SLC17A5: variants seen among roughly 807,000 people sequenced by gnomAD.
The protein encoded by SLC17A5 is sialin.
A neutral mutation model predicts 59.4 loss-of-function variants in SLC17A5; 47 were observed. That is an observed-to-expected ratio of 0.79 (90% confidence interval 0.63 to 1.01). The LOEUF (loss-of-function observed/expected upper bound fraction) is 1.01, where lower values mean the gene tolerates loss of function less well. Ranked by LOEUF, SLC17A5 falls within the 50% of genes least tolerant of loss-of-function variation. The probability of loss-of-function intolerance (pLI) is 0.00; values close to 1 mark genes in which losing one functional copy is unlikely to be tolerated. For missense variants in SLC17A5, 522 were observed against 595.5 expected (o/e 0.88, Z 1.28); for synonymous variants, 202 against 210.7 (o/e 0.96, Z 0.36).
intron 1 of SLC17A5, among the ~76,000 whole-genome samples, chr6:73,650,197 CAA>C (rs756204732): frequency 3.1e-4 from 12 of 39,050 alleles, no homozygotes; most frequent in South Asian, 1.1e-3. Context: ...CTTTTTTCTA[CAA>C]AAAAAAAAAA....
intron 1 of SLC17A5, among the ~76,000 whole-genome samples, chr6:73,651,727 A>G (rs967308083): frequency 1.3e-4 from 19 of 151,662 alleles, no homozygotes; most frequent in Non-Finnish European, 2.5e-4. Context: ...TATTTTTAGT[A>G]GGGACGGCGT....
chr6:73,637,423 C>A (rs371500523), intron 4 of SLC17A5, among the ~76,000 whole-genome samples: 4 of 152,172 alleles, frequency 2.6e-5, no homozygotes, highest in Non-Finnish European at 5.9e-5. Context: ...TGTTCTTGAA[C>A]CTATCATCAG....
intron 5 of SLC17A5, among the ~76,000 whole-genome samples, chr6:73,635,898 G>A (rs1046814439): frequency 3.3e-5 from 5 of 151,880 alleles, no homozygotes; most frequent in South Asian, 2.1e-4. Context: ...GTGCCACCAC[G>A]CCTGGCTAAT....
chr6:73,644,826 C>T (rs1769464646), intron 1 of SLC17A5, among the ~76,000 whole-genome samples: 1 of 151,918 alleles, frequency 6.6e-6, no homozygotes, highest in Non-Finnish European at 1.5e-5. Context: ...AAAAAGGTTG[C>T]TTTTTAAAAG....
Position 73,645,500 on chromosome 6 carries a change from A to C in SLC17A5, c.95-897T>G, listed in dbSNP as rs951633885. ...GAATGTACCACCATGATTAAAAAAAAAGGATGCCGGGCACAGTGGCTCACG... is the reference window on the plus strand; with the variant it reads ...GAATGTACCACCATGATTAAAAAAACAGGATGCCGGGCACAGTGGCTCACG... On this transcript the variant is annotated intron_variant, in intron 1 of 10. Transcript: ENST00000355773. 1.0e-5 allele frequency: 10 copies of C among 985,134 alleles called. No individual in the cohort carries two copies. The African/African-American group carries it at 1.7e-4, about 17-fold the overall frequency. 61.0% of individuals were successfully genotyped at this position (985,134 alleles called of 1,614,324 possible).
At chr6:73,631,734 A>G (rs1011501762) in intron 6 of SLC17A5, among the ~76,000 whole-genome samples, 1 of 151,854 alleles carries the variant, frequency 6.6e-6, no homozygotes, top group Admixed American at 6.6e-5. Flanking sequence ...ACAGCACTGC[A>G]TTATGCAGGC....
intron 6 of SLC17A5, among the ~76,000 whole-genome samples, chr6:73,632,965 T>C (rs779987784): frequency 6.6e-6 from 1 of 152,032 alleles, no homozygotes; most frequent in Non-Finnish European, 1.5e-5. Flanking sequence ...TAACATCAGG[T>C]AGGACTCTAA....
intron 7 of SLC17A5, among the ~76,000 whole-genome samples, chr6:73,615,837 T>C (rs629381): frequency 0.38 from 56,211 of 149,478 alleles, 11,797 homozygotes; most frequent in African/African-American, 0.56. Context: ...TAAAATAAAA[T>C]GCAGATGCAG....
At chr6:73,632,434 C>CTTTTTTTTTTT (rs1163170650) in intron 6 of SLC17A5, among the ~76,000 whole-genome samples, 2 of 86,766 alleles carry the variant, frequency 2.3e-5, no homozygotes, top group African/African-American at 8.2e-5. Flanking sequence ...GTAGAGAAAG[C>CTTTTTTTTTTT]TTTTTTTTTT....
chr6:73,631,821 T>G (rs531731924), intron 6 of SLC17A5, among the ~76,000 whole-genome samples: 1 of 151,826 alleles, frequency 6.6e-6, no homozygotes, highest in African/African-American at 2.4e-5. Context: ...CCATGTTTTA[T>G]TTTTTTCCTC....
intron 10 of SLC17A5, among the ~76,000 whole-genome samples, chr6:73,595,565 G>A (rs1222684817): frequency 1.3e-5 from 2 of 152,158 alleles, no homozygotes; most frequent in Non-Finnish European, 2.9e-5. Flanking sequence ...TCCACTTGGT[G>A]AGGGTGAAGG....
chr6:73,653,590 G>A (rs917559547), intron 1 of SLC17A5: 7 of 710,218 alleles, frequency 9.9e-6, no homozygotes, highest in Non-Finnish European at 1.2e-5. Context: ...CGCGGCCCCC[G>A]GGGTTCCCGA....
intron 1 of SLC17A5, chr6:73,645,485 C>T (rs1231528400): frequency 1.0e-6 from 1 of 985,034 alleles, no homozygotes; most frequent in Non-Finnish European, 1.2e-6. Context: ...GAATGTACCA[C>T]CATGATTAAA....
intron 7 of SLC17A5, among the ~76,000 whole-genome samples, chr6:73,620,313 T>C (rs1350839704): frequency 1.3e-5 from 2 of 151,098 alleles, no homozygotes; most frequent in Non-Finnish European, 2.9e-5. Context: ...TTGAATGCAA[T>C]TAATCACTGT....
intron 1 of SLC17A5, among the ~76,000 whole-genome samples, chr6:73,650,834 C>T (rs1451070966): frequency 1.3e-5 from 2 of 152,068 alleles, no homozygotes; most frequent in African/African-American, 4.8e-5. Context: ...GTTTTGTTTA[C>T]TTCTTTGTAT....
chr6:73,616,363 AT>A (rs1767867251), intron 7 of SLC17A5, among the ~76,000 whole-genome samples: 1 of 152,158 alleles, frequency 6.6e-6, no homozygotes, highest in African/African-American at 2.4e-5. Context: ...CATCACCCAA[AT>A]GTACATCCCT....
intron 6 of SLC17A5, among the ~76,000 whole-genome samples, chr6:73,633,895 A>T (rs80026257): frequency 0.22 from 34,004 of 151,776 alleles, 4,776 homozygotes; most frequent in East Asian, 0.31. Flanking sequence ...AAAAATAAAT[A>T]AAATAAAATA....
intron 9 of SLC17A5, among the ~76,000 whole-genome samples, chr6:73,606,615 T>C (rs976229168): frequency 1.3e-5 from 2 of 152,244 alleles, no homozygotes; most frequent in African/African-American, 4.8e-5. Context: ...AGGCACAGGA[T>C]CCCCCTGCTG....
chr6:73,605,346 G>T (rs546663090), intron 9 of SLC17A5, among the ~76,000 whole-genome samples: 1 of 152,230 alleles, frequency 6.6e-6, no homozygotes, highest in African/African-American at 2.4e-5. Context: ...CCCTGGTGTT[G>T]AACTTGTTTA....
Sources: allele counts gnomAD v4.1 joint callset (sites outside exome capture counted in the v4.1 genomes callset), GRCh38; gene constraint gnomAD v4.1.1; transcripts MANE v1.5; gene names NCBI Gene and HGNC (gene_info 2026-07-23, HGNC 2026-07-21).